The following NLRP1 variants were observed in gnomAD, a reference collection of about 807,000 sequenced individuals.
NLRP1 encodes the protein NACHT, LRR and PYD domains-containing protein 1.
NLRP1 carries 94 observed loss-of-function variants against 136.7 expected under a neutral mutation model. The ratio of observed to expected loss-of-function variants is 0.69; its 90% CI spans 0.58 to 0.82. The LOEUF is 0.82. NLRP1 is among the 40% of genes least tolerant of loss of function. The pLI is 0.00. For synonymous variants in NLRP1, 690 were observed against 725.1 expected, an observed-to-expected ratio of 0.95 and a Z score of 0.78; for missense variants, 1,575 against 1,802.7, an observed-to-expected ratio of 0.87 and a Z score of 2.29.
At chr17:5,550,842 T>C (rs1913263380) in intron 5 of NLRP1, among the ~76,000 whole-genome samples, 1 of 152,214 alleles carries the variant, frequency 6.6e-6, no homozygotes, top group South Asian at 2.1e-4. Flanking sequence ...TCTCTGCTTC[T>C]TCTTTTTCTT....
intron 3 of NLRP1, among the ~76,000 whole-genome samples, chr17:5,579,481 CA>C (rs1193262145): frequency 6.6e-6 from 1 of 152,170 alleles, no homozygotes; most frequent in East Asian, 1.9e-4. Context: ...AACACTTATA[CA>C]CTGCTGGTAA....
Position 5,583,648 on chromosome 17 carries a change from G to T in NLRP1, c.271+39C>A. 2.6e-6 allele frequency: 4 copies of T among 1,538,060 alleles called. No individual in the cohort carries two copies. The highest frequency in any genetic ancestry group is 3.5e-6 in the Non-Finnish European group (4 of 1,139,370). On this transcript the variant is annotated intron_variant, in intron 1 of 16. Coordinates refer to ENST00000572272, the MANE Select transcript of NLRP1 (RefSeq NM_033004.4). This position sits in a 1 kb window ranked among gnomAD's most constrained non-coding sequence, Gnocchi z 4.5. ...AGGGCAGGGCAGGCATGAGGGCCAG[G>T]GGATGTCCCGCGGGCAGTGGGGTCC...
At chr17:5,515,546 C>G in intron 15 of NLRP1, 29 bp from the exon 16 acceptor site, 1 of 1,577,270 alleles carries the variant, frequency 6.3e-7, no homozygotes. Flanking sequence ...GAAGATGCAT[C>G]TGAAACAGTG....
downstream of NLRP1, among the ~76,000 whole-genome samples, chr17:5,511,680 T>G (rs550516032): frequency 9.2e-5 from 14 of 152,250 alleles, no homozygotes; most frequent in African/African-American, 3.1e-4. Context: ...ATGCGGGGGT[T>G]GCGGGGCTTA....
intron 5 of NLRP1, among the ~76,000 whole-genome samples, chr17:5,544,222 G>T (rs1912254751): frequency 2.0e-5 from 3 of 152,150 alleles, no homozygotes; most frequent in East Asian, 3.8e-4. Flanking sequence ...CTCTGGTGGG[G>T]GCCTGGATCA....
chr17:5,583,644 C>T lies in NLRP1; in HGVS notation c.271+43G>A, dbSNP rs2151832713. 1.3e-6 allele frequency: 2 copies of T among 1,533,824 alleles called. No homozygotes were observed. Among genetic ancestry groups the T allele is most frequent in the East Asian group, 2.5e-5 (1 of 40,760 alleles). ...CAAGAGGGCAGGGCAGGCATGAGGG[C>T]CAGGGGATGTCCCGCGGGCAGTGGG... On this transcript the variant is annotated intron_variant, in intron 1 of 16. Transcript: ENST00000572272. The surrounding 1 kb of genome is among the most constrained non-coding windows in gnomAD (Gnocchi z 4.5).
rs199919337 is a variant in NLRP1, at chr17:5,559,391, C to T, written c.1305G>A (p.Pro435=). The change falls in exon 4 of 17, where the codon CCG becomes CCA. Residue 435 remains proline (P), a synonymous_variant. Transcript: ENST00000572272. ...GCAAACTGCCCAGCAGTGCATCCGC[C>T]GGCTGTGGCTGGCTCCAGTGCAGAC... ...ELCLHWSQPQ[P]ADALLGSLLG... is the part of the protein sequence containing the mutation. 8.1e-5 allele frequency: 131 copies of T among 1,613,942 alleles called. No homozygotes were observed. The highest frequency in any genetic ancestry group is 3.3e-4 in the Middle Eastern group (2 of 6,084).
At chr17:5,507,873 C>T (rs8073594) in intron 15 of NLRP1, among the ~76,000 whole-genome samples, 42,552 of 151,898 alleles carry the variant, frequency 0.28, 6,393 homozygotes, top group African/African-American at 0.4. Flanking sequence ...CAGTGGCTCA[C>T]ACCTGTAATC....
chr17:5,547,353 A>C (rs1437175401), intron 5 of NLRP1, among the ~76,000 whole-genome samples: 1 of 152,222 alleles, frequency 6.6e-6, no homozygotes, highest in Non-Finnish European at 1.5e-5. Flanking sequence ...AGACATGGTG[A>C]ATCCATGTTA....
At chr17:5,572,853 G>A (rs762306565) in intron 3 of NLRP1, among the ~76,000 whole-genome samples, 11 of 152,176 alleles carry the variant, frequency 7.2e-5, no homozygotes, top group East Asian at 1.9e-4. Context: ...CAAGATGGCC[G>A]AATAGGAACA....
chr17:5,545,891 C>T (rs571497172), intron 5 of NLRP1, among the ~76,000 whole-genome samples: 3 of 152,324 alleles, frequency 2.0e-5, no homozygotes, highest in African/African-American at 7.2e-5. Context: ...TTCCTGCCCC[C>T]AGGACTCATC....
chr17:5,509,188 T>C (rs1161309559), downstream of NLRP1, among the ~76,000 whole-genome samples: 1 of 152,248 alleles, frequency 6.6e-6, no homozygotes, highest in East Asian at 1.9e-4. Flanking sequence ...GTCATGCTCC[T>C]GTCTAGCCTT....
At chr17:5,530,129 A>C in intron 12 of NLRP1, 1 of 462,358 alleles carries the variant, frequency 2.2e-6, no homozygotes, top group South Asian at 1.6e-5. Flanking sequence ...TAGTTCACTT[A>C]GCCTTACTTT....
intron 5 of NLRP1, among the ~76,000 whole-genome samples, chr17:5,545,664 T>G (rs1480929721): frequency 1.3e-5 from 2 of 152,196 alleles, no homozygotes; most frequent in Admixed American, 6.5e-5. Flanking sequence ...CCTTCTCTGC[T>G]TCCAACCCTG....
intron 3 of NLRP1, among the ~76,000 whole-genome samples, 178 bp downstream of exon 3, chr17:5,581,680 TC>T (rs1372283204): frequency 7.2e-5 from 11 of 152,202 alleles, no homozygotes; most frequent in Non-Finnish European, 1.6e-4. Flanking sequence ...TCCAGGTGCC[TC>T]CTGGAAACAG....
At chr17:5,511,309 G>A (rs1208275048), downstream of NLRP1, among the ~76,000 whole-genome samples, 3 of 152,036 alleles carry the variant, frequency 2.0e-5, no homozygotes, top group African/African-American at 7.2e-5. Context: ...GTGGGCGCCT[G>A]TAATCCCAGC....
chr17:5,557,997 T>C (rs961370781), intron 4 of NLRP1, among the ~76,000 whole-genome samples: 26 of 151,890 alleles, frequency 1.7e-4, no homozygotes, highest in Non-Finnish European at 3.7e-4. Flanking sequence ...TGCCTGATCC[T>C]TGGGGAGTGT....
Position 5,582,076 on chromosome 17 carries a change from A to C in NLRP1, c.449-14T>G. 9 of 1,586,240 alleles carry C rather than the reference A, an allele frequency of 5.7e-6. No homozygotes were observed. Among genetic ancestry groups the C allele is most frequent in the Non-Finnish European group, 7.8e-6 (9 of 1,159,770 alleles). On this transcript the variant is annotated splice_polypyrimidine_tract_variant and intron_variant, in intron 2 of 16. Transcript: ENST00000572272. Reference sequence around the variant, plus strand: ...AGGCAGAGATTTCTGGGGGGAATGAAAAGAAAAATAACCATTTACTGAACA... The same window carrying C: ...AGGCAGAGATTTCTGGGGGGAATGACAAGAAAAATAACCATTTACTGAACA...
At chr17:5,507,434 C>G (rs910709984) in intron 15 of NLRP1, among the ~76,000 whole-genome samples, 1 of 152,222 alleles carries the variant, frequency 6.6e-6, no homozygotes, top group Non-Finnish European at 1.5e-5. Context: ...GTGGCTCAAG[C>G]CTGTAACTCC....
Sources: allele counts gnomAD v4.1 joint callset (sites outside exome capture counted in the v4.1 genomes callset), GRCh38; gene constraint gnomAD v4.1.1; non-coding constraint Gnocchi (gnomAD v3.1); transcripts MANE v1.5; gene names NCBI Gene and HGNC (gene_info 2026-07-23, HGNC 2026-07-21).